The following SH2D5 variants were observed in gnomAD, a reference collection of about 807,000 sequenced individuals.
SH2D5 encodes the protein SH2 domain-containing protein 5.
A neutral mutation model predicts 48.2 loss-of-function variants in SH2D5; 45 were observed. The ratio of observed to expected loss-of-function variants is 0.93; its 90% confidence interval spans 0.73 to 1.20. The LOEUF (loss-of-function observed/expected upper bound fraction) is 1.20, where lower values mean the gene tolerates loss of function less well. Ranked by LOEUF, SH2D5 falls within the 50% of genes most tolerant of loss-of-function variation. SH2D5 has a pLI of 0.00. For missense variants in SH2D5, 538 were observed against 584.1 expected, an observed-to-expected ratio of 0.92 and a Z score of 0.81; for synonymous variants, 230 against 249.8, an observed-to-expected ratio of 0.92 and a Z score of 0.75.
intron 9 of SH2D5, 95 bp from the exon 10 acceptor site, chr1:20,722,090 G>A (rs1019468894): frequency 8.1e-7 from 1 of 1,237,000 alleles, no homozygotes; most frequent in Non-Finnish European, 1.1e-6. Context: ...ACATTTTGGA[G>A]AGCAGGGAAC....
chr1:20,723,961 T>A (rs1216804779), intron 7 of SH2D5, 122 bp downstream of exon 7: 23 of 1,276,304 alleles, frequency 1.8e-5, no homozygotes, highest in Non-Finnish European at 2.4e-5. Flanking sequence ...TGCACAGGCA[T>A]CACTTGGAGG....
intron 8 of SH2D5, 70 bp downstream of exon 8, chr1:20,723,556 G>T: frequency 8.1e-7 from 1 of 1,236,974 alleles, no homozygotes; most frequent in Non-Finnish European, 1.2e-6. Flanking sequence ...TGCCTCAGGG[G>T]CCTGGGAAGC....
intron 5 of SH2D5, among the ~76,000 whole-genome samples, chr1:20,725,442 TCTCTCAAGACCTGGACCCAGACTCGG>T (rs1278399450): frequency 1.3e-5 from 2 of 152,124 alleles, no homozygotes. Flanking sequence ...GGCCAAGCAC[TCTCTCAAGACCTGGACCCAGACTCGG>T]CTCTCAAAGA....
At chr1:20,724,751 C>T in intron 5 of SH2D5, 116 bp from the exon 6 acceptor site, 1 of 1,263,860 alleles carries the variant, frequency 7.9e-7, no homozygotes, top group Non-Finnish European at 1.1e-6. Flanking sequence ...TTCGGAGGCT[C>T]TTCCCATTCT....
Position 20,720,512 on chromosome 1 carries a change from C to T in SH2D5, c.*1280G>A, listed in dbSNP as rs2054664965. On this transcript the variant is annotated 3_prime_UTR_variant, in exon 10 of 10. Transcript: ENST00000444387. ...GCACTGAACAGTTCTGTCCCACTCCCAGACGGGGAGAGGGCAGCCCCCAGG... is the reference window on the plus strand; with the variant it reads ...GCACTGAACAGTTCTGTCCCACTCCTAGACGGGGAGAGGGCAGCCCCCAGG... 1 of 152,284 alleles carries T rather than the reference C, an allele frequency of 6.6e-6. No homozygotes were observed. Among genetic ancestry groups the T allele is most frequent in the South Asian group, 2.1e-4 (1 of 4,834 alleles). The allele number at this position is 152,284 out of a possible 1,614,324, so 9.4% of individuals were successfully genotyped here.
chr1:20,728,151 G>A lies in SH2D5; in HGVS notation c.-42-65C>T. ...GCAAGCCACAGAGTGCCCCCCACAG[G>A]CCATTCATTCACTGGCTTCCTGAGC... On this transcript the variant is annotated intron_variant, in intron 1 of 9. Coordinates refer to ENST00000444387, the MANE Select transcript of SH2D5 (RefSeq NM_001103161.2). This position sits in a 1 kb window ranked among gnomAD's most constrained non-coding sequence, Gnocchi z 4.3. 1 of 746,394 alleles carries A rather than the reference G, an allele frequency of 1.3e-6. No individual in the cohort carries two copies. Among genetic ancestry groups the A allele is most frequent in the Non-Finnish European group, 2.2e-6 (1 of 458,688 alleles). The allele number at this position is 746,394 out of a possible 1,614,324, so 46.2% of individuals were successfully genotyped here. A position where few individuals can be genotyped will look rare whatever the true frequency, so the allele number is the denominator to read the frequency against.
chr1:20,727,287 T>C (rs899728407), intron 3 of SH2D5, among the ~76,000 whole-genome samples: 3 of 152,118 alleles, frequency 2.0e-5, no homozygotes, highest in African/African-American at 7.2e-5. Context: ...GGCCAGGCTG[T>C]GACTATCACC....
Position 20,732,667 on chromosome 1 carries a change from CA to C in SH2D5, c.-530del, listed in dbSNP as rs1170358695. 6.6e-6 allele frequency: 1 copy of C among 152,320 alleles called. No homozygotes were observed. Among genetic ancestry groups the C allele is most frequent in the Non-Finnish European group, 1.5e-5 (1 of 68,120 alleles). 9.4% of individuals were successfully genotyped at this position (152,320 alleles called of 1,614,324 possible). ...GAGGGTCGTTGCGCATCCTCCTCCT[CA>C]CTTTCTTCCTGCCGGGACGTTCTCA... On this transcript the variant is annotated 5_prime_UTR_variant, in exon 1 of 10. Coordinates refer to ENST00000444387, the MANE Select transcript of SH2D5 (RefSeq NM_001103161.2). The surrounding 1 kb of genome is among the most constrained non-coding windows in gnomAD (Gnocchi z 5.1).
rs752402973 is a variant in SH2D5, at chr1:20,724,092, G to A, written c.790C>T (p.Arg264Trp). 11 of 1,610,874 alleles carry A rather than the reference G, an allele frequency of 6.8e-6. No individual in the cohort carries two copies. The highest frequency in any genetic ancestry group is 1.3e-5 in the African/African-American group (1 of 75,014). ...TGTTCCCACAACTCACAGGCCTCCC[G>A]AGCCGACAGCTGCAGCTGGGTCTCA... The part of the protein sequence containing the change: ...TYETQLQLSA[R>W]EAFPAAWEAW... Residue 264 changes from arginine to tryptophan, a missense_variant, in exon 7 of 10, where the codon CGG becomes TGG. Coordinates refer to ENST00000444387, the MANE Select transcript of SH2D5 (RefSeq NM_001103161.2).
In SH2D5 at chr1:20,727,580, ATCCACAG is replaced by A. The variant is rs765232238; in HGVS notation, c.104_110del (p.Pro35LeufsTer19). On this transcript the variant is annotated frameshift_variant, in exon 3 of 10. Coordinates refer to ENST00000444387, the MANE Select transcript of SH2D5 (RefSeq NM_001103161.2). LOFTEE classifies it high-confidence loss of function. ...ACACGCTCTCCTGGGTGTCCAGGTC[ATCCACAG>A]GGAAGGAGCCCACGTACTGCTCGGC... 5.0e-6 allele frequency: 8 copies of A among 1,610,506 alleles called. No homozygotes were observed. The highest frequency in any genetic ancestry group is 5.9e-6 in the Non-Finnish European group (7 of 1,179,002).
chr1:20,725,804 G>A, intron 5 of SH2D5, 116 bp downstream of exon 5: 2 of 1,272,920 alleles, frequency 1.6e-6, no homozygotes, highest in East Asian at 2.4e-5. Context: ...GGTGAGGGGT[G>A]CATGCCTGGA....
rs77382254 is a variant in SH2D5 at position 20,722,813 on chromosome 1, C to A, written c.1011G>T (p.Gln337His). 6.2e-7 allele frequency: 1 copy of A among 1,600,324 alleles called. No individual in the cohort carries two copies. The highest frequency in any genetic ancestry group is 8.5e-7 in the Non-Finnish European group (1 of 1,173,706). Reference protein sequence around the residue: ...SGQWCLSVRTQCGVVPHQVFR... With the variant: ...SGQWCLSVRTHCGVVPHQVFR... Reference sequence around the variant, plus strand: ...AGACCTGGTGGGGCACCACGCCGCACTGCGTGCGCACGGACAGACACCACT... The same window carrying A: ...AGACCTGGTGGGGCACCACGCCGCAATGCGTGCGCACGGACAGACACCACT... The change falls in exon 9 of 10, where the codon CAG (glutamine) becomes CAT (histidine). Residue 337 changes from glutamine (Q) to histidine (H), a missense_variant. Transcript: ENST00000444387.
Position 20,728,101 on chromosome 1 carries a change from G to C in SH2D5, c.-42-15C>G, listed in dbSNP as rs553039419. 3.7e-5 allele frequency: 48 copies of C among 1,298,606 alleles called. No individual in the cohort carries two copies. Among genetic ancestry groups the C allele is most frequent in the East Asian group, 2.0e-4 (8 of 39,568 alleles). 80.4% of individuals were successfully genotyped at this position (1,298,606 alleles called of 1,614,324 possible). A position where few individuals can be genotyped will look rare whatever the true frequency, so the allele number is the denominator to read the frequency against. On this transcript the variant is annotated splice_polypyrimidine_tract_variant and intron_variant, in intron 1 of 9. Transcript: ENST00000444387. This position sits in a 1 kb window ranked among gnomAD's most constrained non-coding sequence, Gnocchi z 4.3. ...GGGAGGGGAGGCTGCAAAGGGCAGG[G>C]GGGGAAGGGCTGCTTTCGAGGCAGG...
chr1:20,725,791 T>A lies in SH2D5; in HGVS notation c.390+129A>T, dbSNP rs2054785936. On this transcript the variant is annotated intron_variant, in intron 5 of 9. Transcript: ENST00000444387. ...TGGGAAGAGCCACAGAAAGAGCCAA[T>A]GTGGTGAGGGGTGCATGCCTGGAGG... 3 of 1,125,584 alleles carry A rather than the reference T, an allele frequency of 2.7e-6. No individual in the cohort carries two copies. In the African/African-American group the frequency reaches 4.7e-5, roughly 18 times the overall value. The allele number at this position is 1,125,584 out of a possible 1,614,324, so 69.7% of individuals were successfully genotyped here.
rs777482078 is a variant in SH2D5, at chr1:20,724,135, G to A, written c.747C>T (p.Ala249=). 2.5e-6 allele frequency: 4 copies of A among 1,612,866 alleles called. No individual in the cohort carries two copies. Among genetic ancestry groups the A allele is most frequent in the Non-Finnish European group, 3.4e-6 (4 of 1,179,914 alleles). The change falls in exon 7 of 10, where the codon GCC becomes GCT. Residue 249 remains alanine (A), a synonymous_variant. Transcript: ENST00000444387. ...AIRSKVIRSG[A]YRGCTYETQL... ...GGGTCTCATAGGTGCAGCCGCGGTAGGCCCCCGAGCGGATCACCTTGCTGC... is the reference window on the plus strand; with the variant it reads ...GGGTCTCATAGGTGCAGCCGCGGTAAGCCCCCGAGCGGATCACCTTGCTGC...
intron 1 of SH2D5, among the ~76,000 whole-genome samples, chr1:20,730,360 C>T (rs1270446588): frequency 4.6e-5 from 7 of 151,846 alleles, no homozygotes; most frequent in African/African-American, 1.5e-4. Context: ...GGGGAGGAGC[C>T]GTGCGGGCAT....
At position 20,721,832 on chromosome 1, in the gene SH2D5, C is replaced by T; in HGVS notation, c.1232G>A (p.Ser411Asn). The change falls in exon 10 of 10, where the codon AGC (serine) becomes AAC (asparagine). Residue 411 changes from serine to asparagine, a missense_variant. Coordinates refer to ENST00000444387, the MANE Select transcript of SH2D5 (RefSeq NM_001103161.2). ...CAGCTCTGCCTCGGACTTGGCATGG[C>T]TGAGGGGCCGGAGAGTCCGGGGCGG... ...GRPPRTLRPLSHAKSEAELQG... is the reference protein window; with the variant it reads ...GRPPRTLRPLNHAKSEAELQG... The T allele has an allele frequency of 1.2e-6, 2 of 1,607,534 alleles. No individual in the cohort carries two copies. The highest frequency in any genetic ancestry group is 1.7e-6 in the Non-Finnish European group (2 of 1,177,350).
At chr1:20,724,697 C>G (rs1257628071) in intron 5 of SH2D5, 62 bp from the exon 6 acceptor site, 2 of 1,459,002 alleles carry the variant, frequency 1.4e-6, no homozygotes, top group Non-Finnish European at 1.8e-6. Context: ...AGTGAACTCC[C>G]TGGGCCTCAG....
At position 20,728,101 on chromosome 1, in the gene SH2D5, G is replaced by A; in HGVS notation, c.-42-15C>T. 1.0e-5 allele frequency: 13 copies of A among 1,298,606 alleles called. No individual in the cohort carries two copies. Among genetic ancestry groups the A allele is most frequent in the Admixed American group, 2.1e-5 (1 of 48,472 alleles). 80.4% of individuals were successfully genotyped at this position (1,298,606 alleles called of 1,614,324 possible). On this transcript the variant is annotated splice_polypyrimidine_tract_variant and intron_variant, in intron 1 of 9. Transcript: ENST00000444387. The surrounding 1 kb of genome is among the most constrained non-coding windows in gnomAD (Gnocchi z 4.3). ...GGGAGGGGAGGCTGCAAAGGGCAGG[G>A]GGGGAAGGGCTGCTTTCGAGGCAGG...
Sources: allele counts gnomAD v4.1 joint callset (sites outside exome capture counted in the v4.1 genomes callset), GRCh38; gene constraint gnomAD v4.1.1; non-coding constraint Gnocchi (gnomAD v3.1); transcripts MANE v1.5; gene names NCBI Gene and HGNC (gene_info 2026-07-23, HGNC 2026-07-21).